F8: variants seen among roughly 807,000 people sequenced by gnomAD.
F8 encodes antihemophilic factor.
In F8, 12 loss-of-function variants were observed where a neutral mutation model predicts 140.6. That is an observed-to-expected ratio of 0.09 (90% CI 0.05 to 0.14). F8 has a LOEUF of 0.14. Ranked by LOEUF, F8 falls within the 10% of genes least tolerant of loss-of-function variation. The pLI, the probability that F8 is intolerant of heterozygous loss-of-function variation, is 1.00. For synonymous variants in F8, 585 were observed against 614.6 expected, an observed-to-expected ratio of 0.95 and a Z score of 0.71; for missense variants, 1,354 against 1,720.7, an observed-to-expected ratio of 0.79 and a Z score of 3.77.
intron 13 of F8, among the ~76,000 whole-genome samples, chrX:154,939,203 G>A (rs1328712502): frequency 3.6e-5 from 4 of 111,936 alleles, no homozygotes; most frequent in African/African-American, 9.7e-5. Flanking sequence ...TGCGTGAGCC[G>A]AAGCAGGGCG....
At chrX:154,975,374 T>G (rs1603435632) in intron 6 of F8, among the ~76,000 whole-genome samples, 1 of 112,369 alleles carries the variant, frequency 8.9e-6, no homozygotes, top group African/African-American at 3.2e-5. Flanking sequence ...TTCCATGTAT[T>G]TGTACAGTTG....
chrX:154,967,326 C>G (rs781936755), intron 7 of F8, among the ~76,000 whole-genome samples: 23 of 112,245 alleles, frequency 2.0e-4, no homozygotes, highest in Non-Finnish European at 3.9e-4. Context: ...AAGAGCATGT[C>G]TGCCTGTGAC....
intron 22 of F8, among the ~76,000 whole-genome samples, chrX:154,877,042 C>T (rs2072821908): frequency 8.9e-6 from 1 of 111,786 alleles, no homozygotes; most frequent in Non-Finnish European, 1.9e-5. Flanking sequence ...TGTAAAATGC[C>T]ATTCCGTTTT....
At chrX:154,923,626 G>A (rs1235730560) in intron 14 of F8, among the ~76,000 whole-genome samples, 2 of 112,330 alleles carry the variant, frequency 1.8e-5, no homozygotes, top group African/African-American at 3.2e-5. Flanking sequence ...CATAAGGTCA[G>A]GAGTTAGAGA....
intron 14 of F8, chrX:154,908,826 C>G (rs2073050916): frequency 8.4e-6 from 1 of 118,473 alleles, no homozygotes; most frequent in Non-Finnish European, 1.7e-5. Context: ...TGACCATTCT[C>G]AAGGGAGAGA....
chrX:155,018,731 T>C (rs947218927), intron 1 of F8, among the ~76,000 whole-genome samples: 2 of 112,049 alleles, frequency 1.8e-5, no homozygotes, highest in Non-Finnish European at 3.8e-5. Flanking sequence ...CCTAGAAAGG[T>C]ATATAATTAT....
intron 1 of F8, among the ~76,000 whole-genome samples, chrX:155,012,092 G>A (rs782414632): frequency 8.6e-4 from 96 of 111,681 alleles, no homozygotes; most frequent in African/African-American, 2.7e-3. Flanking sequence ...TACACTTTAC[G>A]GATTCACTAA....
intron 6 of F8, 107 bp from the exon 7 acceptor site, chrX:154,969,659 C>T (rs1391364831): frequency 2.9e-6 from 2 of 694,691 alleles, no homozygotes; most frequent in African/African-American, 2.1e-5. Context: ...TTTATTGCTA[C>T]CTTGACTTGT....
chrX:154,961,023 T>G, intron 10 of F8, 52 bp downstream of exon 10: 2 of 811,238 alleles, frequency 2.5e-6, no homozygotes, highest in Non-Finnish European at 3.8e-6. Context: ...ATGATATTTA[T>G]CTCATCTGTA....
chrX:154,887,043 G>GCCGCCC, intron 22 of F8: 1 of 102,605 alleles, frequency 9.7e-6, no homozygotes, highest in Non-Finnish European at 1.4e-5. Flanking sequence ...AGTCACTGCC[G>GCCGCCC]CCGCCCCCGC....
chrX:154,995,556 G>A (rs2073612352), intron 3 of F8, among the ~76,000 whole-genome samples: 1 of 111,809 alleles, frequency 8.9e-6, no homozygotes. Context: ...GAAGAACTTG[G>A]CCAAATCTGA....
intron 6 of F8, among the ~76,000 whole-genome samples, chrX:154,980,624 T>C (rs2073512991): frequency 1.8e-5 from 2 of 112,239 alleles, no homozygotes; most frequent in Middle Eastern, 4.6e-3. Flanking sequence ...GTTCACAGTC[T>C]GGGTTTGTTT....
chrX:154,975,034 C>A (rs2124116916), intron 6 of F8, among the ~76,000 whole-genome samples: 1 of 111,665 alleles, frequency 9.0e-6, no homozygotes, highest in South Asian at 3.7e-4. Context: ...AAAGAACTAA[C>A]TAACTCATTA....
intron 1 of F8, among the ~76,000 whole-genome samples, chrX:155,008,456 AG>A (rs1182384446): frequency 9.0e-6 from 1 of 110,837 alleles, no homozygotes; most frequent in Non-Finnish European, 1.9e-5. Flanking sequence ...AGAGGGGGTG[AG>A]GGGGAAGAAT....
At chrX:155,013,078 G>A (rs1304379628) in intron 1 of F8, among the ~76,000 whole-genome samples, 5 of 103,682 alleles carry the variant, frequency 4.8e-5, no homozygotes, top group East Asian at 3.0e-4. Context: ...CCCGGGAGGC[G>A]GAGCTTGCAG....
At chrX:155,012,091 C>T (rs782177270) in intron 1 of F8, among the ~76,000 whole-genome samples, 9 of 111,829 alleles carry the variant, frequency 8.0e-5, no homozygotes, top group Non-Finnish European at 1.7e-4. Flanking sequence ...GTACACTTTA[C>T]GGATTCACTA....
chrX:154,869,733 T>C (rs963630473), intron 22 of F8, among the ~76,000 whole-genome samples: 1 of 111,290 alleles, frequency 9.0e-6, no homozygotes, highest in African/African-American at 3.3e-5. Context: ...AAAAAAACCT[T>C]CAAAAAATCA....
chrX:155,001,369 C>T (rs1317948723), intron 1 of F8, among the ~76,000 whole-genome samples: 3 of 90,813 alleles, frequency 3.3e-5, no homozygotes, highest in African/African-American at 1.3e-4. Flanking sequence ...GGCTGGAGTG[C>T]AGTGGCGAGA....
rs146373969 is a variant in F8 at position 154,840,580 on chromosome X, T to G, written c.6901-2828A>C. 9.8e-4 allele frequency among the ~76,000 whole-genome samples: 110 copies of G among 112,397 alleles called. 1 individual carries two copies. Among genetic ancestry groups the G allele is most frequent in the African/African-American group, 3.4e-3 (106 of 30,965 alleles). ...GCAGTGTAATTACTTCTAGATTCCC[T>G]CAGTGAACAGTGCTAAGAATATGAT... On this transcript the variant is annotated intron_variant, in intron 25 of 25. Transcript: ENST00000360256.
Sources: gnomAD v4.1 joint callset for allele counts (sites outside exome capture counted in the v4.1 genomes callset) on GRCh38, gnomAD v4.1.1 for gene constraint, MANE v1.5 for transcripts, NCBI Gene and HGNC (gene_info 2026-07-23, HGNC 2026-07-21) for gene names.